FBXW10: variants seen among roughly 807,000 people sequenced by gnomAD.
FBXW10 encodes the protein F-box/WD repeat-containing protein 10.
In FBXW10, 68 loss-of-function variants were observed where a neutral mutation model predicts 113.1. The observed-to-expected ratio is 0.60, with a 90% CI of 0.49 to 0.74. The LOEUF is 0.74. FBXW10 is among the 30% of genes least tolerant of loss of function. The probability of loss-of-function intolerance (pLI) is 0.00; values close to 1 mark genes in which losing one functional copy is unlikely to be tolerated. For missense variants in FBXW10, 753 were observed against 1,284.5 expected (o/e 0.59, Z 6.32); for synonymous variants, 289 against 481.6 (o/e 0.60, Z 5.24).
At position 18,744,748 on chromosome 17, in the gene FBXW10, A is replaced by G. The variant is rs1256355567; in HGVS notation, c.504A>G (p.Ser168=). 1.2e-6 allele frequency: 2 copies of G among 1,609,154 alleles called. No individual in the cohort carries two copies. The highest frequency in any genetic ancestry group is 1.7e-6 in the Non-Finnish European group (2 of 1,175,694). The part of the protein sequence containing the change: ...VLFLREENNI[S]GLNQDITDVC... ...TTCTGAGAGAGGAGAACAATATCTC[A>G]GGTAAACAAGGCCACAGGCAGAGAC... Residue 168 remains serine, a splice_region_variant and synonymous_variant, in exon 1 of 14, where the codon TCA becomes TCG. Coordinates refer to ENST00000395665, the MANE Select transcript of FBXW10 (RefSeq NM_001267585.2).
At chr17:18,775,361 C>T (rs956257918) in intron 13 of FBXW10, among the ~76,000 whole-genome samples, 169 bp downstream of exon 13, 1 of 152,200 alleles carries the variant, frequency 6.6e-6, no homozygotes, top group African/African-American at 2.4e-5. Flanking sequence ...TATTGTTTTC[C>T]AGCAGGCCAC....
chr17:18,774,919 C>T (rs138269216), intron 12 of FBXW10, among the ~76,000 whole-genome samples: 260 of 152,198 alleles, frequency 1.7e-3, no homozygotes, highest in African/African-American at 5.9e-3. Context: ...GATGGATATC[C>T]TAATTATCTT....
At position 18,766,857 on chromosome 17, in the gene FBXW10, G is replaced by C. The variant is rs372082761; in HGVS notation, c.1699G>C (p.Val567Leu). The change falls in exon 9 of 14, where the codon GTA (valine) becomes CTA (leucine). Residue 567 changes from valine to leucine, a missense_variant. Coordinates refer to ENST00000395665, the MANE Select transcript of FBXW10 (RefSeq NM_001267585.2). Reference sequence around the variant, plus strand: ...GTGGCACATTGCCATGGCCCAGTTGGTAAAGGTAAGTGGGCAGTGGGCTAC... The same window carrying C: ...GTGGCACATTGCCATGGCCCAGTTGCTAAAGGTAAGTGGGCAGTGGGCTAC... ...KVWHIAMAQL[V>L]KTLSGHEGAV... is the part of the protein sequence containing the mutation. The C allele has an allele frequency of 1.9e-6, 3 of 1,593,388 alleles. No homozygotes were observed. In the African/African-American group the frequency reaches 4.0e-5, roughly 21 times the overall value.
intron 1 of FBXW10, 64 bp downstream of exon 1, chr17:18,744,813 T>C (rs751450587): frequency 6.3e-7 from 1 of 1,574,990 alleles, no homozygotes; most frequent in Non-Finnish European, 8.6e-7. Context: ...GCTTCAGAAA[T>C]CTGTAAGGAA....
intron 10 of FBXW10, among the ~76,000 whole-genome samples, chr17:18,768,934 A>T (rs1408705924): frequency 1.3e-4 from 15 of 114,380 alleles, no homozygotes; most frequent in South Asian, 2.9e-4. Context: ...GAAGTTATTG[A>T]TTTTTTTTTT....
intron 7 of FBXW10, among the ~76,000 whole-genome samples, chr17:18,759,861 C>T (rs570449348): frequency 5.9e-5 from 9 of 152,236 alleles, no homozygotes; most frequent in African/African-American, 1.9e-4. Context: ...GTGATCCACC[C>T]GCCTCGGCCT....
In FBXW10 at chr17:18,772,912, TTTTC is replaced by T. The variant is rs200312304; in HGVS notation, c.2278+245_2278+248del. Among the ~76,000 whole-genome samples, 1,296 of 151,526 alleles carry T rather than the reference TTTTC, an allele frequency of 8.6e-3. 6 individuals carry two copies. Among genetic ancestry groups the T allele is most frequent in the Admixed American group, 0.014 (214 of 15,186 alleles). ...AACATTCTGGTTTGCAAAAGCTAGA[TTTTC>T]TTTCTTTCTTTCTTTTTTTTTTTTT... On this transcript the variant is annotated intron_variant, in intron 12 of 13. Transcript: ENST00000395665.
At chr17:18,768,701 G>A (rs1289574215) in intron 10 of FBXW10, 25 bp downstream of exon 10, 26 of 1,612,378 alleles carry the variant, frequency 1.6e-5, no homozygotes, top group African/African-American at 2.7e-5. Context: ...AGCCCGGAGC[G>A]ATGAACCTGG....
At chr17:18,745,662 C>T (rs535085501) in intron 1 of FBXW10, among the ~76,000 whole-genome samples, 2 of 152,292 alleles carry the variant, frequency 1.3e-5, no homozygotes, top group East Asian at 3.9e-4. Context: ...GATCCGCCTG[C>T]CTCGGCCTCC....
chr17:18,744,231 G>T lies in FBXW10; in HGVS notation c.-14G>T. The T allele has an allele frequency of 2.5e-6, 3 of 1,199,778 alleles. No individual in the cohort carries two copies. The highest frequency in any genetic ancestry group is 1.3e-5 in the South Asian group (1 of 77,194). The allele number at this position is 1,199,778 out of a possible 1,614,324, so 74.3% of individuals were successfully genotyped here. ...AAGTGCGCAGGGCTAAAATGGACTG[G>T]TTATCTTAGGATCATGGAAAACCTG... On this transcript the variant is annotated 5_prime_UTR_variant, in exon 1 of 14. Coordinates refer to ENST00000395665, the MANE Select transcript of FBXW10 (RefSeq NM_001267585.2).
chr17:18,747,251 G>T (rs1409978533), intron 1 of FBXW10, among the ~76,000 whole-genome samples: 1 of 152,102 alleles, frequency 6.6e-6, no homozygotes, highest in Non-Finnish European at 1.5e-5. Context: ...TCTTAGAGCA[G>T]ATTCTCTCTT....
At chr17:18,754,870 T>G (rs1003082268) in intron 5 of FBXW10, among the ~76,000 whole-genome samples, 85 of 152,214 alleles carry the variant, frequency 5.6e-4, no homozygotes, top group Non-Finnish European at 1.1e-3. Context: ...CCCAGATACC[T>G]TATCTGTAAA....
At chr17:18,765,508 T>C (rs536440745) in intron 8 of FBXW10, among the ~76,000 whole-genome samples, 1 of 152,298 alleles carries the variant, frequency 6.6e-6, no homozygotes, top group African/African-American at 2.4e-5. Context: ...CTCATCTGTG[T>C]TGTGGGGAAT....
chr17:18,753,506 T>C (rs1329750046), intron 5 of FBXW10, among the ~76,000 whole-genome samples: 1 of 152,016 alleles, frequency 6.6e-6, no homozygotes, highest in Non-Finnish European at 1.5e-5. Flanking sequence ...CCTCCCAGAT[T>C]TGAAATAAAC....
At chr17:18,764,521 C>T (rs2035448493) in intron 7 of FBXW10, among the ~76,000 whole-genome samples, 2 of 152,124 alleles carry the variant, frequency 1.3e-5, no homozygotes, top group Non-Finnish European at 2.9e-5. Context: ...TTATTATTTC[C>T]ATTTTATCAA....
In FBXW10 at chr17:18,744,350, T is replaced by C. The variant is rs138647311; in HGVS notation, c.106T>C (p.Trp36Arg). Residue 36 changes from tryptophan (W) to arginine (R), a missense_variant, in exon 1 of 14, where the codon TGG (tryptophan) becomes CGG (arginine). Physicochemically the swap from Trp to Arg is moderately radical, Grantham distance 101 (BLOSUM62 -3). Transcript: ENST00000395665. The stretch of plus-strand genomic sequence containing the variant: ...GAAGTGTGAGACGTGTGTCTTAGCC[T>C]GGAAGATCTTCTCTACCAAAGAGTG... ...CRKCETCVLA[W>R]KIFSTKEWFC... 6.7e-4 allele frequency: 1,082 copies of C among 1,613,694 alleles called. 5 individuals carry two copies. Among genetic ancestry groups the C allele is most frequent in the Non-Finnish European group, 7.4e-4 (874 of 1,179,860 alleles).
At chr17:18,754,822 T>G (rs1311073966) in intron 5 of FBXW10, among the ~76,000 whole-genome samples, 1 of 152,180 alleles carries the variant, frequency 6.6e-6, no homozygotes, top group African/African-American at 2.4e-5. Flanking sequence ...AAAGCGCCCT[T>G]GTCACGACTT....
At chr17:18,775,104 T>G (rs181893524) in intron 12 of FBXW10, 32 bp from the exon 13 acceptor site, 1 of 1,511,168 alleles carries the variant, frequency 6.6e-7, no homozygotes. Flanking sequence ...AAGTATATAA[T>G]GACTACAGCT....
intron 11 of FBXW10, among the ~76,000 whole-genome samples, chr17:18,771,991 C>T (rs2035623146): frequency 2.6e-5 from 4 of 152,106 alleles, no homozygotes; most frequent in Admixed American, 2.6e-4. Context: ...CCTGTAATCC[C>T]AGCTACTCAA....
Sources: gnomAD v4.1 joint callset for allele counts (sites outside exome capture counted in the v4.1 genomes callset) on GRCh38, gnomAD v4.1.1 for gene constraint, MANE v1.5 for transcripts, NCBI Gene and HGNC (gene_info 2026-07-23, HGNC 2026-07-21) for gene names.